The following KCP variants were observed in gnomAD, a reference collection of about 807,000 sequenced individuals.
KCP encodes kielin/chordin-like protein.
A neutral mutation model predicts 212.7 loss-of-function variants in KCP; 194 were observed. The ratio of observed to expected loss-of-function variants is 0.91; its 90% CI spans 0.81 to 1.03. The LOEUF (loss-of-function observed/expected upper bound fraction) is 1.03, where lower values mean the gene tolerates loss of function less well. Ranked by LOEUF, KCP falls within the 50% of genes least tolerant of loss-of-function variation. KCP has a pLI of 0.00. For synonymous variants in KCP, 833 were observed against 865.3 expected, an observed-to-expected ratio of 0.96 and a Z score of 0.65; for missense variants, 2,080 against 2,162.5, an observed-to-expected ratio of 0.96 and a Z score of 0.76.
chr7:128,908,064 G>A (rs1164219383), intron 2 of KCP, among the ~76,000 whole-genome samples: 1 of 150,798 alleles, frequency 6.6e-6, no homozygotes, highest in Non-Finnish European at 1.5e-5. Context: ...AGGAGGCAGA[G>A]GTTGCAGGGA....
intron 22 of KCP, among the ~76,000 whole-genome samples, 164 bp from the exon 23 acceptor site, chr7:128,887,464 T>C (rs542627871): frequency 1.3e-4 from 17 of 134,874 alleles, no homozygotes; most frequent in Admixed American, 2.2e-4. Flanking sequence ...CACAACCACA[T>C]ACACACACAC....
chr7:128,876,911 G>T lies in KCP; in HGVS notation c.*132C>A. 9.2e-7 allele frequency: 1 copy of T among 1,085,212 alleles called. No homozygotes were observed. The highest frequency in any genetic ancestry group is 1.3e-6 in the Non-Finnish European group (1 of 782,662). The allele number at this position is 1,085,212 out of a possible 1,614,324, so 67.2% of individuals were successfully genotyped here. Reference sequence around the variant, plus strand: ...CTGCTGGTGACTCAACATGGCGGGGGTCTTTGCAGGGCAGGGGCCCAGGCT... The same window carrying T: ...CTGCTGGTGACTCAACATGGCGGGGTTCTTTGCAGGGCAGGGGCCCAGGCT... On this transcript the variant is annotated 3_prime_UTR_variant, in exon 40 of 40. Transcript: ENST00000610776.
At chr7:128,910,375 C>T (rs1191031468) in intron 1 of KCP, among the ~76,000 whole-genome samples, 4 of 152,246 alleles carry the variant, frequency 2.6e-5, no homozygotes, top group Non-Finnish European at 5.9e-5. Flanking sequence ...CTCCCGCCGC[C>T]GGCTGCAGGA....
At chr7:128,887,743 T>C (rs1220127019) in intron 22 of KCP, among the ~76,000 whole-genome samples, 4 of 104,694 alleles carry the variant, frequency 3.8e-5, no homozygotes, top group African/African-American at 1.5e-4. Context: ...ACCCACACTC[T>C]CATACACACA....
chr7:128,887,884 CAT>C (rs1229093808), intron 22 of KCP, among the ~76,000 whole-genome samples: 1 of 148,784 alleles, frequency 6.7e-6, no homozygotes, highest in Admixed American at 6.7e-5. Flanking sequence ...CAAACATACA[CAT>C]AGCCACGCAC....
In KCP at chr7:128,910,695, G is replaced by C; in HGVS notation, c.-19C>G. The C allele has an allele frequency of 6.8e-7, 1 of 1,478,750 alleles. No individual in the cohort carries two copies. The highest frequency in any genetic ancestry group is 1.3e-5 in the South Asian group (1 of 77,042). 91.6% of individuals were successfully genotyped at this position (1,478,750 alleles called of 1,614,324 possible). A position where few individuals can be genotyped will look rare whatever the true frequency, so the allele number is the denominator to read the frequency against. On this transcript the variant is annotated 5_prime_UTR_variant, in exon 1 of 40. Coordinates refer to ENST00000610776, the MANE Select transcript of KCP (RefSeq NM_001366122.1). ...CGGCCATGCTAGCTCCGCCTCGCTC[G>C]GCTCGCCGTCTGTCGTCGCGGCTCA... is the stretch of plus-strand genomic sequence containing the variant.
intron 1 of KCP, among the ~76,000 whole-genome samples, chr7:128,910,144 G>A (rs1034183633): frequency 2.6e-5 from 4 of 152,292 alleles, no homozygotes; most frequent in South Asian, 2.1e-4. Context: ...AGCTCCGAGT[G>A]GCACAAACTT....
intron 27 of KCP, 57 bp from the exon 28 acceptor site, chr7:128,884,920 G>A: frequency 6.6e-7 from 1 of 1,523,068 alleles, no homozygotes; most frequent in Non-Finnish European, 8.9e-7. Context: ...TGGCAGCGAG[G>A]CAGGGGTGGA....
intron 6 of KCP, 96 bp from the exon 7 acceptor site, chr7:128,903,916 G>T: frequency 7.2e-7 from 1 of 1,380,400 alleles, no homozygotes; most frequent in Non-Finnish European, 1.0e-6. Context: ...GGGGCACAGG[G>T]CAGGGATGGA....
chr7:128,907,213 C>T, intron 3 of KCP, 36 bp from the exon 4 acceptor site: 1 of 1,545,556 alleles, frequency 6.5e-7, no homozygotes, highest in Non-Finnish European at 8.8e-7. Flanking sequence ...GCACCCCATG[C>T]CATCTGCAGG....
At chr7:128,903,168 C>T (rs773717283) in intron 7 of KCP, 45 of 437,084 alleles carry the variant, frequency 1.0e-4, no homozygotes, top group Non-Finnish European at 1.7e-4. Flanking sequence ...ACTCACCCTC[C>T]GTGTCAGGGC....
Position 128,880,385 on chromosome 7 carries a change from C to T in KCP, c.3759+1G>A, listed in dbSNP as rs765594612. On this transcript the variant is annotated splice_donor_variant, in intron 34 of 39. Coordinates refer to ENST00000610776, the MANE Select transcript of KCP (RefSeq NM_001366122.1). LOFTEE classifies it high-confidence loss of function. ...CCACCATTTTAGATTGCGGCACTCA[C>T]GGGGCCACACGAGAGCGGTGAGCAG... 6.2e-5 allele frequency: 95 copies of T among 1,524,102 alleles called. No homozygotes were observed. Among genetic ancestry groups the T allele is most frequent in the East Asian group, 4.4e-4 (18 of 40,516 alleles). 94.4% of individuals were successfully genotyped at this position (1,524,102 alleles called of 1,614,324 possible).
Position 128,886,491 on chromosome 7 carries a change from G to T in KCP, c.2839C>A (p.Arg947=), listed in dbSNP as rs779745603. The T allele has an allele frequency of 6.5e-7, 1 of 1,550,090 alleles. No homozygotes were observed. Among genetic ancestry groups the T allele is most frequent in the African/African-American group, 1.4e-5 (1 of 73,010 alleles). Reference sequence around the variant, plus strand: ...CTGCAGCGAGGGCAGCAGCTCCCCCGCTCGGTGACCTGGAGCTTGCAGGGA... The same window carrying T: ...CTGCAGCGAGGGCAGCAGCTCCCCCTCTCGGTGACCTGGAGCTTGCAGGGA... ...PLPCKLQVTE[R]GSCCPRCRGC... The change falls in exon 26 of 40, where the codon CGG becomes AGG. Residue 947 remains arginine (R), a synonymous_variant. Transcript: ENST00000610776.
Position 128,877,201 on chromosome 7 carries a change from C to A in KCP, c.4729G>T (p.Val1577Leu). 6.7e-7 allele frequency: 1 copy of A among 1,483,318 alleles called. No individual in the cohort carries two copies. The highest frequency in any genetic ancestry group is 8.9e-7 in the Non-Finnish European group (1 of 1,117,366). 91.9% of individuals were successfully genotyped at this position (1,483,318 alleles called of 1,614,324 possible). A position where few individuals can be genotyped will look rare whatever the true frequency, so the allele number is the denominator to read the frequency against. ...TGGCAGCCGGGCACGCAGGGCCTCA[C>A]GCAGTGGGCTGCCAGCTCCCCCAGG... ...IPLGELAAHC[V>L]RPCVPGCQCP... Residue 1577 changes from valine to leucine, a missense_variant, in exon 40 of 40, where the codon GTG becomes TTG. Val to Leu is a conservative substitution (Grantham distance 32). Transcript: ENST00000610776.
chr7:128,904,461 C>G, intron 5 of KCP: 1 of 1,054,404 alleles, frequency 9.5e-7, no homozygotes, highest in South Asian at 1.5e-5. Flanking sequence ...CCTCCTCGTC[C>G]CTTCCTGTTC....
chr7:128,879,193 C>A (rs373355068), intron 37 of KCP: 6 of 412,176 alleles, frequency 1.5e-5, no homozygotes, highest in African/African-American at 2.0e-5. Context: ...AGACACCCCC[C>A]CAGGAGACTT....
intron 13 of KCP, 91 bp downstream of exon 13, chr7:128,893,147 A>G: frequency 7.5e-7 from 1 of 1,326,810 alleles, no homozygotes; most frequent in South Asian, 1.3e-5. Context: ...GGACTTAGCA[A>G]CCCGTACCCC....
chr7:128,891,055 G>T lies in KCP; in HGVS notation c.2014C>A (p.His672Asn). 7.2e-7 allele frequency: 1 copy of T among 1,394,782 alleles called. No homozygotes were observed. The allele number at this position is 1,394,782 out of a possible 1,614,324, so 86.4% of individuals were successfully genotyped here. ...PAGCPRPGAA[H>N]ARHQEYFSPP... ...GAGAAGTACTCCTGGTGGCGGGCGT[G>T]GGCCGCGCCGGGCCGTGGGCAGCCG... Residue 672 changes from histidine (H) to asparagine (N), a missense_variant, in exon 20 of 40, where the codon CAC becomes AAC. Transcript: ENST00000610776.
intron 20 of KCP, 130 bp downstream of exon 20, chr7:128,890,775 C>T: frequency 3.3e-6 from 3 of 906,208 alleles, no homozygotes; most frequent in South Asian, 3.9e-5. Flanking sequence ...GCTGACCGGA[C>T]ACTACATTCC....
Sources: allele counts gnomAD v4.1 joint callset (sites outside exome capture counted in the v4.1 genomes callset), GRCh38; gene constraint gnomAD v4.1.1; transcripts MANE v1.5; gene names NCBI Gene and HGNC (gene_info 2026-07-23, HGNC 2026-07-21).